CFAP46: variants seen among roughly 807,000 people sequenced by gnomAD.
The protein encoded by CFAP46 is cilia and flagella associated protein 46.
A neutral mutation model predicts 325.7 loss-of-function variants in CFAP46; 245 were observed. That is an observed-to-expected ratio of 0.75 (90% CI 0.68 to 0.84). CFAP46 has a LOEUF of 0.84. Among genes scored for constraint, CFAP46 ranks in the 40% least tolerant of loss-of-function variants. The pLI, the probability that CFAP46 is intolerant of heterozygous loss-of-function variation, is 0.00. For synonymous variants in CFAP46, 1,523 were observed against 1,495.9 expected, an observed-to-expected ratio of 1.02 and a Z score of -0.42; for missense variants, 3,346 against 3,543.0, an observed-to-expected ratio of 0.94 and a Z score of 1.41.
At chr10:132,842,940 C>T (rs1848367946) in intron 44 of CFAP46, among the ~76,000 whole-genome samples, 2 of 152,196 alleles carry the variant, frequency 1.3e-5, no homozygotes, top group Admixed American at 6.5e-5. Context: ...CCCTCATGAC[C>T]CAGTTACCTC....
chr10:132,821,481 CTGTG>C lies in CFAP46; in HGVS notation c.7118-6571_7118-6568del, dbSNP rs1225948335. Among the ~76,000 whole-genome samples, 194 of 126,580 alleles carry C rather than the reference CTGTG, an allele frequency of 1.5e-3. 1 individual carries two copies. The highest frequency in any genetic ancestry group is 2.6e-3 in the Non-Finnish European group (166 of 63,238). 83.0% of individuals were successfully genotyped at this position (126,580 alleles called of 152,430 possible). A position where few individuals can be genotyped will look rare whatever the true frequency, so the allele number is the denominator to read the frequency against. ...TGTGTGCTGATGTGTGTTGTGTGTG[CTGTG>C]TGAGTGCTGATGTGTGCTGTGTGCG... On this transcript the variant is annotated intron_variant, in intron 50 of 57. Coordinates refer to ENST00000368586, the MANE Select transcript of CFAP46 (RefSeq NM_001200049.3).
chr10:132,810,506 C>T lies in CFAP46; in HGVS notation c.7584-17G>A, dbSNP rs756434621. 2 of 1,570,104 alleles carry T rather than the reference C, an allele frequency of 1.3e-6. No homozygotes were observed. Among genetic ancestry groups the T allele is most frequent in the Non-Finnish European group, 1.7e-6 (2 of 1,143,464 alleles). ...CCAACAGATCTAGGGGAGAAACGTC[C>T]CCTCAGGAGGGCATGGACACCCTGG... On this transcript the variant is annotated splice_polypyrimidine_tract_variant and intron_variant, in intron 56 of 57. Transcript: ENST00000368586.
chr10:132,865,068 C>T (rs1470931502), intron 35 of CFAP46, among the ~76,000 whole-genome samples: 1 of 152,206 alleles, frequency 6.6e-6, no homozygotes, highest in Non-Finnish European at 1.5e-5. Flanking sequence ...TTCTAGGACC[C>T]TCTCTTTTTC....
rs7908950 is a variant in CFAP46 at position 132,869,351 on chromosome 10, C to G, written c.4533G>C (p.Glu1511Asp). Residue 1511 changes from glutamate (E) to aspartate (D), a missense_variant, in exon 33 of 58, where the codon GAG becomes GAC. Glu to Asp is a conservative substitution (Grantham distance 45). Coordinates refer to ENST00000368586, the MANE Select transcript of CFAP46 (RefSeq NM_001200049.3). This position sits in a 1 kb window ranked among gnomAD's most constrained non-coding sequence, Gnocchi z 6.2. ...YHLRLAHACS[E>D]LKLREAAARH... ...GCGCGGCTGCTTCTCTCAGCTTCAG[C>G]TCGGAGCACGCGTGGGCGAGGCTGT... 2 of 1,535,724 alleles carry G rather than the reference C, an allele frequency of 1.3e-6. No homozygotes were observed. Among genetic ancestry groups the G allele is most frequent in the African/African-American group, 1.4e-5 (1 of 72,832 alleles).
rs1848690892 is a variant in CFAP46, at chr10:132,859,232, C to G, written c.5214G>C (p.Arg1738=). The change falls in exon 38 of 58, where the codon CGG becomes CGC. Residue 1738 remains arginine (R), a synonymous_variant. Coordinates refer to ENST00000368586, the MANE Select transcript of CFAP46 (RefSeq NM_001200049.3). ...CCGCTGAGTGCTGCGCAACTCTGAC[C>G]CGCAGGCTCAGGCACCTGACGGAGG... ...TDLEARCLSL[R]VRVAQHSAVT... 1 of 1,549,046 alleles carries G rather than the reference C, an allele frequency of 6.5e-7. No individual in the cohort carries two copies. Among genetic ancestry groups the G allele is most frequent in the Non-Finnish European group, 8.7e-7 (1 of 1,146,740 alleles).
chr10:132,936,188 A>G (rs186692063), intron 7 of CFAP46, among the ~76,000 whole-genome samples: 953 of 66,222 alleles, frequency 0.014, 40 homozygotes, highest in Non-Finnish European at 0.018. Flanking sequence ...CACTCCCCTC[A>G]GCCCCCAAAC....
chr10:132,919,496 G>C lies in CFAP46; in HGVS notation c.1731-54C>G, dbSNP rs1849688461. 6.6e-7 allele frequency: 1 copy of C among 1,510,066 alleles called. No individual in the cohort carries two copies. The highest frequency in any genetic ancestry group is 2.2e-5 in the Admixed American group (1 of 45,048). 93.5% of individuals were successfully genotyped at this position (1,510,066 alleles called of 1,614,324 possible). Reference sequence around the variant, plus strand: ...AGGTGAGTAGACAAGTGTGGTTGCTGAAGTTAGAAAACACCTGGGCTGGCT... The same window carrying C: ...AGGTGAGTAGACAAGTGTGGTTGCTCAAGTTAGAAAACACCTGGGCTGGCT... On this transcript the variant is annotated intron_variant, in intron 14 of 57. Coordinates refer to ENST00000368586, the MANE Select transcript of CFAP46 (RefSeq NM_001200049.3). This position sits in a 1 kb window ranked among gnomAD's most constrained non-coding sequence, Gnocchi z 9.7.
At chr10:132,900,374 GGGGCTGCAACGCCACACACA>G (rs1049235374) in intron 22 of CFAP46, among the ~76,000 whole-genome samples, 1 of 152,260 alleles carries the variant, frequency 6.6e-6, no homozygotes, top group African/African-American at 2.4e-5. Context: ...TGCCGTGGCT[GGGGCTGCAACGCCACACACA>G]CTAAGGCAGG....
At chr10:132,822,505 T>A in intron 50 of CFAP46, among the ~76,000 whole-genome samples, 1 of 124,608 alleles carries the variant, frequency 8.0e-6, no homozygotes, top group South Asian at 2.9e-4. Flanking sequence ...TGATGTGTGC[T>A]GTGTGCTGAT....
At chr10:132,823,697 T>C (rs1336238159) in intron 50 of CFAP46, among the ~76,000 whole-genome samples, 25 of 132,516 alleles carry the variant, frequency 1.9e-4, no homozygotes, top group Non-Finnish European at 3.0e-4. Flanking sequence ...TGTGTGCTGA[T>C]GTGTGCTGTG....
chr10:132,856,190 G>A (rs1326943735), intron 39 of CFAP46, among the ~76,000 whole-genome samples: 2 of 152,176 alleles, frequency 1.3e-5, no homozygotes, highest in Non-Finnish European at 2.9e-5. Context: ...AGGAAGCTGC[G>A]CCATTCACCT....
At chr10:132,845,544 G>A (rs1265963761) in intron 44 of CFAP46, among the ~76,000 whole-genome samples, 3 of 152,236 alleles carry the variant, frequency 2.0e-5, no homozygotes, top group Non-Finnish European at 2.9e-5. Flanking sequence ...GGCCATGCTT[G>A]TCTGTTTCCC....
intron 50 of CFAP46, among the ~76,000 whole-genome samples, chr10:132,816,830 G>A (rs1429301287): frequency 2.6e-5 from 4 of 152,144 alleles, no homozygotes; most frequent in East Asian, 3.8e-4. Context: ...TTTCAAGTGC[G>A]CGAGGATGGA....
intron 41 of CFAP46, among the ~76,000 whole-genome samples, 173 bp downstream of exon 41, chr10:132,850,071 G>T (rs964875126): frequency 7.2e-5 from 11 of 152,222 alleles, no homozygotes; most frequent in Non-Finnish European, 1.6e-4. Flanking sequence ...GTCTGTTCCG[G>T]AAGGCCTGAG....
chr10:132,892,914 A>C (rs533924417), intron 24 of CFAP46, among the ~76,000 whole-genome samples: 6 of 152,306 alleles, frequency 3.9e-5, no homozygotes, highest in Non-Finnish European at 5.9e-5. Flanking sequence ...CACACCAGGA[A>C]CTTCAGGCAA....
intron 11 of CFAP46, among the ~76,000 whole-genome samples, chr10:132,924,078 G>T (rs1849769483): frequency 6.6e-6 from 1 of 152,052 alleles, no homozygotes; most frequent in South Asian, 2.1e-4. Context: ...CAAGAAACAG[G>T]TCCTGAGATC....
rs111397958 is a variant in CFAP46 at position 132,830,930 on chromosome 10, C to A, written c.7117+2428G>T. ...ACATACATGCTTAGTTCCATAAAGT[C>A]CTTCTTGCGCTTCAGCAGCATCCAC... is the stretch of plus-strand genomic sequence containing the variant. On this transcript the variant is annotated intron_variant, in intron 50 of 57. Coordinates refer to ENST00000368586, the MANE Select transcript of CFAP46 (RefSeq NM_001200049.3). Among the ~76,000 whole-genome samples, 818 of 152,302 alleles carry A rather than the reference C, an allele frequency of 5.4e-3. 10 individuals are homozygous for A. The highest frequency in any genetic ancestry group is 0.018 in the African/African-American group (750 of 41,562).
intron 34 of CFAP46, 32 bp downstream of exon 34, chr10:132,867,343 C>A (rs574616419): frequency 3.0e-5 from 46 of 1,533,980 alleles, no homozygotes; most frequent in Non-Finnish European, 3.9e-5. Flanking sequence ...CGCTGGGCTG[C>A]GGGTCAGAGG....
chr10:132,916,237 G>T (rs112522600), intron 17 of CFAP46, among the ~76,000 whole-genome samples: 1 of 152,194 alleles, frequency 6.6e-6, no homozygotes, highest in South Asian at 2.1e-4. Flanking sequence ...ATCATCAGAG[G>T]GCCTGACGAG....
Sources: gnomAD v4.1 joint callset for allele counts (sites outside exome capture counted in the v4.1 genomes callset) on GRCh38, gnomAD v4.1.1 for gene constraint, Gnocchi (gnomAD v3.1) non-coding constraint, MANE v1.5 for transcripts, NCBI Gene and HGNC (gene_info 2026-07-23, HGNC 2026-07-21) for gene names.